The following MEIKIN variants were observed in gnomAD, a reference collection of about 807,000 sequenced individuals.
The protein encoded by MEIKIN is meiosis-specific kinetochore protein.
chr5:131,880,301 C>T (rs1292277798), intron 8 of MEIKIN, among the ~76,000 whole-genome samples: 15 of 149,956 alleles, frequency 1.0e-4, no homozygotes, highest in African/African-American at 3.7e-4. Context: ...CAGGGTTTCA[C>T]CATGTTGGCC....
At chr5:131,821,961 C>T (rs1044535349) in intron 11 of MEIKIN, among the ~76,000 whole-genome samples, 3 of 152,090 alleles carry the variant, frequency 2.0e-5, no homozygotes, top group Non-Finnish European at 4.4e-5. Context: ...CTTTATATAT[C>T]TGGGTGCTCC....
At chr5:131,834,983 G>A (rs1241431581) in intron 11 of MEIKIN, among the ~76,000 whole-genome samples, 2 of 152,000 alleles carry the variant, frequency 1.3e-5, no homozygotes, top group African/African-American at 4.8e-5. Flanking sequence ...TTTAAAATAA[G>A]CAATTCTAAC....
intron 8 of MEIKIN, among the ~76,000 whole-genome samples, chr5:131,894,108 T>A (rs1463134277): frequency 1.3e-5 from 2 of 152,214 alleles, no homozygotes; most frequent in Non-Finnish European, 1.5e-5. Context: ...GTTTCAGCTT[T>A]CTACATATGG....
chr5:131,898,808 C>T (rs1312904170), intron 8 of MEIKIN, among the ~76,000 whole-genome samples: 7 of 152,162 alleles, frequency 4.6e-5, no homozygotes, highest in Non-Finnish European at 1.0e-4. Context: ...CAGGAGTGTC[C>T]CGTTTTTCCA....
chr5:131,901,578 T>C (rs1476609683), intron 8 of MEIKIN, among the ~76,000 whole-genome samples: 1 of 152,222 alleles, frequency 6.6e-6, no homozygotes, highest in East Asian at 1.9e-4. Flanking sequence ...GAGCTTTGGC[T>C]GGCACCACTC....
At chr5:131,872,728 A>T (rs1028904788) in intron 9 of MEIKIN, among the ~76,000 whole-genome samples, 1 of 152,252 alleles carries the variant, frequency 6.6e-6, no homozygotes, top group Non-Finnish European at 1.5e-5. Flanking sequence ...GAAGGAAAAA[A>T]TGTTAAGGGC....
chr5:131,820,311 T>C lies in MEIKIN; in HGVS notation c.976-1448A>G, dbSNP rs568779281. Among the ~76,000 whole-genome samples the C allele has an allele frequency of 2.6e-5, 4 of 152,102 alleles. No homozygotes were observed. The East Asian group carries it at 7.7e-4, about 29-fold the overall frequency. ...CTGGTCTCGAACTCCTGACCTCAGATGATCACCTCAGGTGATCTGCCTGCC... is the reference window on the plus strand; with the variant it reads ...CTGGTCTCGAACTCCTGACCTCAGACGATCACCTCAGGTGATCTGCCTGCC... On this transcript the variant is annotated intron_variant, in intron 11 of 12. Coordinates refer to ENST00000442687, the MANE Select transcript of MEIKIN (RefSeq NM_001303622.2).
intron 8 of MEIKIN, among the ~76,000 whole-genome samples, chr5:131,903,989 C>T (rs965310884): frequency 2.7e-5 from 4 of 150,226 alleles, no homozygotes; most frequent in South Asian, 4.2e-4. Context: ...AAAAAAATAA[C>T]GGAAAAAAAG....
At chr5:131,808,712 C>G (rs1772893495) in intron 12 of MEIKIN, among the ~76,000 whole-genome samples, 2 of 152,150 alleles carry the variant, frequency 1.3e-5, no homozygotes, top group Admixed American at 1.3e-4. Context: ...TCCCACTTGG[C>G]CTTTTTGTTT....
chr5:131,875,820 C>G (rs1175225944), intron 9 of MEIKIN, among the ~76,000 whole-genome samples: 10 of 152,178 alleles, frequency 6.6e-5, no homozygotes, highest in Admixed American at 2.0e-4. Context: ...GAACAGAACA[C>G]AGCACTCAGA....
chr5:131,820,693 A>G (rs980583253), intron 11 of MEIKIN, among the ~76,000 whole-genome samples: 1 of 152,168 alleles, frequency 6.6e-6, no homozygotes, highest in Non-Finnish European at 1.5e-5. Context: ...CTTCGGTCAC[A>G]TTACTTGTAT....
intron 8 of MEIKIN, among the ~76,000 whole-genome samples, chr5:131,895,810 A>C (rs1286858094): frequency 6.6e-6 from 1 of 151,728 alleles, no homozygotes. Flanking sequence ...GTGGTCTATC[A>C]ATTTTGTTGA....
intron 4 of MEIKIN, among the ~76,000 whole-genome samples, chr5:131,934,485 A>C (rs1158025826): frequency 2.0e-5 from 3 of 152,204 alleles, no homozygotes; most frequent in African/African-American, 7.2e-5. Context: ...TCTTTTAAAC[A>C]AAATGTGCTG....
chr5:131,820,074 C>CTTTTT (rs138803335), intron 11 of MEIKIN, among the ~76,000 whole-genome samples: 1 of 112,858 alleles, frequency 8.9e-6, no homozygotes, highest in African/African-American at 3.6e-5. Context: ...CGCGCCCGGC[C>CTTTTT]TTTTTTTTTT....
intron 11 of MEIKIN, among the ~76,000 whole-genome samples, chr5:131,842,129 A>G (rs1485296493): frequency 1.3e-5 from 2 of 151,954 alleles, no homozygotes; most frequent in Non-Finnish European, 2.9e-5. Flanking sequence ...ATCACGCCCA[A>G]CTAATTTTTG....
At chr5:131,900,602 C>T (rs904136288) in intron 8 of MEIKIN, among the ~76,000 whole-genome samples, 3 of 152,178 alleles carry the variant, frequency 2.0e-5, no homozygotes, top group Admixed American at 2.0e-4. Flanking sequence ...GCTTGCCTTC[C>T]TCCTCTAGGA....
intron 8 of MEIKIN, among the ~76,000 whole-genome samples, chr5:131,892,542 T>C (rs747104807): frequency 3.5e-4 from 53 of 152,238 alleles, no homozygotes; most frequent in Non-Finnish European, 6.3e-4. Flanking sequence ...CACGTAGTTC[T>C]TGTGCCGTGG....
At chr5:131,926,590 A>T (rs1310430993) in intron 5 of MEIKIN, among the ~76,000 whole-genome samples, 1 of 152,124 alleles carries the variant, frequency 6.6e-6, no homozygotes, top group Admixed American at 6.5e-5. Context: ...AATTTTTTAG[A>T]AGAGTTTAAG....
intron 11 of MEIKIN, among the ~76,000 whole-genome samples, chr5:131,845,654 A>C (rs1750006748): frequency 6.6e-6 from 1 of 152,042 alleles, no homozygotes; most frequent in Non-Finnish European, 1.5e-5. Flanking sequence ...AACTGAAAGG[A>C]AAAATTCACT....
Sources: allele counts gnomAD v4.1 joint callset (sites outside exome capture counted in the v4.1 genomes callset), GRCh38; gene constraint gnomAD v4.1.1; transcripts MANE v1.5; gene names NCBI Gene and HGNC (gene_info 2026-07-23, HGNC 2026-07-21).